ASIC2: variants seen among roughly 807,000 people sequenced by gnomAD.
ASIC2 encodes acid sensing ion channel subunit 2, also known as acid-sensing ion channel 2.
Under a neutral mutation model 57.3 loss-of-function variants are expected in ASIC2, and 25 were observed. The ratio of observed to expected loss-of-function variants is 0.44; its 90% CI spans 0.32 to 0.61. The LOEUF is 0.61. Ranked by LOEUF, ASIC2 falls within the 20% of genes least tolerant of loss-of-function variation. The probability of loss-of-function intolerance (pLI) is 0.06; values close to 1 mark genes in which losing one functional copy is unlikely to be tolerated. For synonymous variants in ASIC2, 319 were observed against 307.5 expected (o/e 1.04, Z -0.39); for missense variants, 641 against 738.1 (o/e 0.87, Z 1.52).
chr17:33,164,213 C>A (rs1331393988), intron 1 of ASIC2, among the ~76,000 whole-genome samples: 1 of 151,980 alleles, frequency 6.6e-6, no homozygotes, highest in Non-Finnish European at 1.5e-5. Context: ...GTCAATGGAT[C>A]CCCTCCCTTC....
In ASIC2 at chr17:33,478,140, C is replaced by T. The variant is rs555304795; in HGVS notation, c.556-366073G>A. ...AGTCAGGCATGGCAGCCTAGCTGGGCAATATCCCAATGACAGCACCAATGG... is the reference window on the plus strand; with the variant it reads ...AGTCAGGCATGGCAGCCTAGCTGGGTAATATCCCAATGACAGCACCAATGG... On this transcript the variant is annotated intron_variant, in intron 1 of 9. Transcript: ENST00000359872. 3.3e-5 allele frequency among the ~76,000 whole-genome samples: 5 copies of T among 152,260 alleles called. No homozygotes were observed. In the South Asian group the frequency reaches 1.0e-3, roughly 32 times the overall value.
chr17:33,535,528 G>A (rs778983973), intron 1 of ASIC2, among the ~76,000 whole-genome samples: 42 of 151,774 alleles, frequency 2.8e-4, no homozygotes, highest in African/African-American at 6.0e-4. Context: ...TGCCCGTCTC[G>A]GCCTCCCAGA....
intron 1 of ASIC2, among the ~76,000 whole-genome samples, chr17:33,968,041 A>G (rs1905123471): frequency 6.6e-6 from 1 of 152,232 alleles, no homozygotes; most frequent in South Asian, 2.1e-4. Flanking sequence ...AGGCCACACA[A>G]CTAATGAGCC....
intron 1 of ASIC2, among the ~76,000 whole-genome samples, chr17:33,603,194 G>GC (rs1281107979): frequency 6.6e-6 from 1 of 152,222 alleles, no homozygotes; most frequent in Non-Finnish European, 1.5e-5. Flanking sequence ...CATCCACAGA[G>GC]CCCCCGTTTA....
At chr17:33,585,121 T>A (rs926957352) in intron 1 of ASIC2, among the ~76,000 whole-genome samples, 1 of 152,124 alleles carries the variant, frequency 6.6e-6, no homozygotes, top group Non-Finnish European at 1.5e-5. Flanking sequence ...TCTAATTTAG[T>A]TGGGGTGGAA....
At chr17:33,918,468 CT>C (rs934880909) in intron 1 of ASIC2, among the ~76,000 whole-genome samples, 47 of 152,288 alleles carry the variant, frequency 3.1e-4, no homozygotes, top group African/African-American at 1.1e-3. Context: ...TCAGGGCTAG[CT>C]TTTTGTACTA....
At chr17:33,865,759 TA>T (rs61218521) in intron 1 of ASIC2, among the ~76,000 whole-genome samples, 38,852 of 121,738 alleles carry the variant, frequency 0.32, 5,343 homozygotes, top group East Asian at 0.62. Flanking sequence ...AAAAAAAAAA[TA>T]AAAAAAAAAA....
At chr17:33,909,598 C>T (rs1261491523) in intron 1 of ASIC2, among the ~76,000 whole-genome samples, 1 of 152,158 alleles carries the variant, frequency 6.6e-6, no homozygotes, top group African/African-American at 2.4e-5. Context: ...GTGGGAGATG[C>T]CTTGTTCTGC....
chr17:33,239,358 C>T (rs553555458), intron 1 of ASIC2, among the ~76,000 whole-genome samples: 2 of 152,264 alleles, frequency 1.3e-5, no homozygotes, highest in South Asian at 2.1e-4. Flanking sequence ...TGTAATCCCC[C>T]GGCCCCAGAA....
chr17:34,072,739 G>T (rs770219492), intron 1 of ASIC2, among the ~76,000 whole-genome samples: 1 of 152,114 alleles, frequency 6.6e-6, no homozygotes, highest in South Asian at 2.1e-4. Flanking sequence ...TGTGATGGAC[G>T]ATTTCTCTCA....
intron 1 of ASIC2, among the ~76,000 whole-genome samples, chr17:33,822,324 T>C (rs1036206350): frequency 5.3e-5 from 8 of 152,170 alleles, no homozygotes; most frequent in African/African-American, 1.9e-4. Flanking sequence ...AAGCATGCAC[T>C]TTTTCTGGCT....
chr17:34,007,880 A>G (rs9889461), intron 1 of ASIC2, among the ~76,000 whole-genome samples: 15,727 of 152,188 alleles, frequency 0.1, 1,362 homozygotes, highest in East Asian at 0.23. Context: ...AAGATGCACT[A>G]AATACCCCCA....
At chr17:34,049,014 G>T (rs994611441) in intron 1 of ASIC2, among the ~76,000 whole-genome samples, 2 of 152,122 alleles carry the variant, frequency 1.3e-5, no homozygotes, top group Non-Finnish European at 2.9e-5. Flanking sequence ...ATATGTTGTG[G>T]TGCCCAGGAG....
intron 1 of ASIC2, among the ~76,000 whole-genome samples, chr17:34,081,257 A>G (rs1321181879): frequency 6.6e-6 from 1 of 152,178 alleles, no homozygotes; most frequent in Non-Finnish European, 1.5e-5. Flanking sequence ...GGCACACAAT[A>G]AAGTTTGAGA....
intron 1 of ASIC2, among the ~76,000 whole-genome samples, chr17:33,117,654 C>A (rs1408965989): frequency 6.6e-6 from 1 of 152,204 alleles, no homozygotes; most frequent in Non-Finnish European, 1.5e-5. Flanking sequence ...AGGCTAAAGG[C>A]AGCTCACTGA....
intron 1 of ASIC2, among the ~76,000 whole-genome samples, chr17:34,074,375 C>G (rs926185837): frequency 1.1e-4 from 17 of 152,188 alleles, no homozygotes; most frequent in African/African-American, 4.1e-4. Flanking sequence ...CACCGAGGCT[C>G]TGACATGTTA....
intron 1 of ASIC2, among the ~76,000 whole-genome samples, chr17:33,321,053 C>T (rs915612686): frequency 3.3e-5 from 5 of 152,158 alleles, no homozygotes; most frequent in South Asian, 2.1e-4. Context: ...TCAAGGCTTT[C>T]GGTGAACATA....
chr17:33,794,673 G>T (rs1213345035), intron 1 of ASIC2: 2 of 152,140 alleles, frequency 1.3e-5, no homozygotes, highest in Non-Finnish European at 2.9e-5. Flanking sequence ...GTAATATTGG[G>T]TGAGCCCTCC....
intron 2 of ASIC2, among the ~76,000 whole-genome samples, chr17:33,107,364 T>C (rs2092239110): frequency 6.6e-6 from 1 of 152,226 alleles, no homozygotes; most frequent in Non-Finnish European, 1.5e-5. Context: ...ATGTATTATA[T>C]TAAAGAATTC....
Sources: gnomAD v4.1 joint callset for allele counts (sites outside exome capture counted in the v4.1 genomes callset) on GRCh38, gnomAD v4.1.1 for gene constraint, MANE v1.5 for transcripts, NCBI Gene and HGNC (gene_info 2026-07-23, HGNC 2026-07-21) for gene names.